The following WWOX variants were observed in gnomAD, a reference collection of about 807,000 sequenced individuals.
WWOX encodes WW domain containing oxidoreductase.
WWOX carries 69 observed loss-of-function variants against 46.2 expected under a neutral mutation model. The ratio of observed to expected loss-of-function variants is 1.49; its 90% CI spans 1.23 to 1.82. WWOX has a LOEUF of 1.82. Ranked by LOEUF, WWOX falls within the 40% of genes most tolerant of loss-of-function variation. The pLI, the probability that WWOX is intolerant of heterozygous loss-of-function variation, is 0.00. For missense variants in WWOX, 919 were observed against 542.6 expected (o/e 1.69, Z -6.89); for synonymous variants, 359 against 202.6 (o/e 1.77, Z -6.56).
At chr16:78,377,253 T>A (rs748725165) in intron 5 of WWOX, among the ~76,000 whole-genome samples, 1 of 152,236 alleles carries the variant, frequency 6.6e-6, no homozygotes, top group Admixed American at 6.5e-5. Flanking sequence ...GCATAAGATA[T>A]AGGGCATGTT....
chr16:78,172,906 T>G (rs1286571395), intron 5 of WWOX, among the ~76,000 whole-genome samples: 1 of 152,250 alleles, frequency 6.6e-6, no homozygotes, highest in Non-Finnish European at 1.5e-5. Context: ...ACTTGGCATT[T>G]AGACTCCATT....
At chr16:78,659,208 A>G (rs921343027) in intron 8 of WWOX, among the ~76,000 whole-genome samples, 3 of 152,138 alleles carry the variant, frequency 2.0e-5, no homozygotes, top group Admixed American at 6.6e-5. Flanking sequence ...TCCTCATTTT[A>G]CAGATGAGGA....
chr16:79,086,678 T>A (rs1199241160), intron 8 of WWOX, among the ~76,000 whole-genome samples: 2 of 152,122 alleles, frequency 1.3e-5, no homozygotes, highest in Non-Finnish European at 2.9e-5. Context: ...TCCAGGAGTT[T>A]GAGACCTGCT....
intron 8 of WWOX, among the ~76,000 whole-genome samples, chr16:78,903,117 C>G (rs990274282): frequency 1.3e-5 from 2 of 152,184 alleles, no homozygotes; most frequent in African/African-American, 4.8e-5. Flanking sequence ...GGGAACGGCC[C>G]AAGCAGCCAC....
At chr16:78,181,630 A>T (rs2035535584) in intron 5 of WWOX, among the ~76,000 whole-genome samples, 1 of 152,092 alleles carries the variant, frequency 6.6e-6, no homozygotes, top group Non-Finnish European at 1.5e-5. Flanking sequence ...CTATTGACGA[A>T]ATTTTCTAAT....
chr16:78,651,977 G>A (rs1026799918), intron 8 of WWOX, among the ~76,000 whole-genome samples: 18 of 152,044 alleles, frequency 1.2e-4, no homozygotes, highest in Non-Finnish European at 2.5e-4. Context: ...ATTATTATGA[G>A]GATTATTTTC....
intron 8 of WWOX, among the ~76,000 whole-genome samples, chr16:78,614,673 C>T (rs1038652787): frequency 1.3e-5 from 2 of 152,204 alleles, no homozygotes; most frequent in Non-Finnish European, 2.9e-5. Flanking sequence ...TACAGGGCCT[C>T]GCCTTTTTGA....
intron 5 of WWOX, among the ~76,000 whole-genome samples, chr16:78,261,327 G>C (rs1305008850): frequency 1.3e-5 from 2 of 150,496 alleles, no homozygotes; most frequent in African/African-American, 4.9e-5. Flanking sequence ...AATTAGGTAA[G>C]AGGATACTTT....
chr16:78,659,508 A>C (rs905171623), intron 8 of WWOX, among the ~76,000 whole-genome samples: 10 of 152,120 alleles, frequency 6.6e-5, no homozygotes, highest in African/African-American at 2.2e-4. Context: ...TGGTGCCTAA[A>C]GTTTGAGAAC....
intron 8 of WWOX, among the ~76,000 whole-genome samples, chr16:78,695,519 G>T (rs1044920357): frequency 6.6e-6 from 1 of 152,226 alleles, no homozygotes; most frequent in African/African-American, 2.4e-5. Context: ...CTTCATCAGA[G>T]AGTAGCATGC....
At chr16:78,433,668 A>G (rs948670504) in intron 8 of WWOX, among the ~76,000 whole-genome samples, 128 of 150,712 alleles carry the variant, frequency 8.5e-4, no homozygotes, top group Admixed American at 2.3e-3. Context: ...AAGAAGAACT[A>G]TTGCAGGCCT....
intron 4 of WWOX, among the ~76,000 whole-genome samples, chr16:78,133,633 T>C (rs2033686178): frequency 6.6e-6 from 1 of 152,168 alleles, no homozygotes; most frequent in Non-Finnish European, 1.5e-5. Flanking sequence ...TGACCTCAGG[T>C]GATCCACCCG....
intron 5 of WWOX, among the ~76,000 whole-genome samples, chr16:78,231,266 C>G (rs920590376): frequency 8.5e-5 from 13 of 152,198 alleles, no homozygotes; most frequent in African/African-American, 2.7e-4. Context: ...ACTGGTTGAG[C>G]AAGAGTTACT....
At chr16:78,363,884 C>T (rs1233333049) in intron 5 of WWOX, among the ~76,000 whole-genome samples, 2 of 152,168 alleles carry the variant, frequency 1.3e-5, no homozygotes, top group African/African-American at 4.8e-5. Context: ...GGATGGGAAG[C>T]CCAGCATGGA....
chr16:78,183,213 A>C (rs1242502273), intron 5 of WWOX, among the ~76,000 whole-genome samples: 3 of 152,122 alleles, frequency 2.0e-5, no homozygotes, highest in African/African-American at 7.2e-5. Flanking sequence ...ACGTAAATTA[A>C]TAGTAATAAT....
At chr16:78,414,189 A>G (rs888192302) in intron 6 of WWOX, among the ~76,000 whole-genome samples, 2 of 149,876 alleles carry the variant, frequency 1.3e-5, no homozygotes, top group Non-Finnish European at 3.0e-5. Context: ...TCCACTACCC[A>G]CCCAAATCCT....
At chr16:78,195,151 C>T (rs1213296638) in intron 5 of WWOX, among the ~76,000 whole-genome samples, 2 of 152,184 alleles carry the variant, frequency 1.3e-5, no homozygotes, top group African/African-American at 4.8e-5. Flanking sequence ...TGGTACTTCA[C>T]CCTGGAGAGC....
intron 5 of WWOX, among the ~76,000 whole-genome samples, chr16:78,285,319 G>T (rs1437950303): frequency 6.6e-6 from 1 of 152,028 alleles, no homozygotes; most frequent in Non-Finnish European, 1.5e-5. Flanking sequence ...CCCACCTGTA[G>T]TCCTTTGGAG....
intron 1 of WWOX, among the ~76,000 whole-genome samples, chr16:78,106,748 A>T (rs1291214336): frequency 6.6e-6 from 1 of 151,964 alleles, no homozygotes; most frequent in Non-Finnish European, 1.5e-5. Flanking sequence ...GTGATATTGG[A>T]TGGTGGTTGA....
Sources: allele counts gnomAD v4.1 joint callset (sites outside exome capture counted in the v4.1 genomes callset), GRCh38; gene constraint gnomAD v4.1.1; transcripts MANE v1.5; gene names NCBI Gene and HGNC (gene_info 2026-07-23, HGNC 2026-07-21).